Variants in ZNF362 observed in about 807,000 individuals in gnomAD.
The protein encoded by ZNF362 is zinc finger protein 362.
ZNF362 carries 11 observed loss-of-function variants against 42.9 expected under a neutral mutation model. The observed-to-expected ratio is 0.26, with a 90% CI of 0.16 to 0.42. The LOEUF (loss-of-function observed/expected upper bound fraction) is 0.42, where lower values mean the gene tolerates loss of function less well. Among genes scored for constraint, ZNF362 ranks in the 20% least tolerant of loss-of-function variants. The probability of loss-of-function intolerance (pLI) is 1.00; values close to 1 mark genes in which losing one functional copy is unlikely to be tolerated. For missense variants in ZNF362, 362 were observed against 576.2 expected (o/e 0.63, Z 3.81); for synonymous variants, 255 against 257.3 (o/e 0.99, Z 0.09).
At chr1:33,219,099 C>T in the ZNF362 span, among the ~76,000 whole-genome samples, 1 of 152,126 alleles carries the variant, frequency 6.6e-6, no homozygotes, top group Non-Finnish European at 1.5e-5. Context: ...TAGAGATAAC[C>T]TCTAAACATT....
chr1:33,205,214 C>T, the ZNF362 span, among the ~76,000 whole-genome samples: 7 of 152,050 alleles, frequency 4.6e-5, no homozygotes, highest in East Asian at 1.9e-4. Flanking sequence ...CTGGGCACAG[C>T]GGCTCACAAC....
chr1:33,232,426 T>A, the ZNF362 span, among the ~76,000 whole-genome samples: 1 of 150,836 alleles, frequency 6.6e-6, no homozygotes, highest in East Asian at 1.9e-4. Flanking sequence ...GCCAGGCTAA[T>A]TTTTTTTTGT....
chr1:33,146,096 AAC>A, the ZNF362 span: 1 of 315,602 alleles, frequency 3.2e-6, no homozygotes, highest in Non-Finnish European at 6.3e-6. Context: ...TCCTGGTCAC[AAC>A]AGACATGATG....
At chr1:33,147,629 G>T in the ZNF362 span, 2 of 1,614,024 alleles carry the variant, frequency 1.2e-6, no homozygotes, top group South Asian at 2.2e-5. This position sits in a 1 kb window ranked among gnomAD's most constrained non-coding sequence, Gnocchi z 8.1. Context: ...TCCTGCAGTG[G>T]CTGTGGGTGC....
the ZNF362 span, among the ~76,000 whole-genome samples, chr1:33,205,692 T>A: frequency 6.6e-6 from 1 of 152,094 alleles, no homozygotes; most frequent in African/African-American, 2.4e-5. Context: ...GGTGAGTGGA[T>A]CACCTGAGGT....
chr1:33,289,661 T>G (rs976079750), intron 6 of ZNF362, among the ~76,000 whole-genome samples: 3 of 152,216 alleles, frequency 2.0e-5, no homozygotes, highest in Non-Finnish European at 4.4e-5. Flanking sequence ...ATTTCTCTTG[T>G]CAATGATTGA....
intron 8 of ZNF362, among the ~76,000 whole-genome samples, chr1:33,297,564 T>G (rs1646134291): frequency 1.5e-5 from 2 of 136,192 alleles, no homozygotes; most frequent in Non-Finnish European, 3.0e-5. Flanking sequence ...CCAGGTGGAG[T>G]GCAGTGGCAC....
At chr1:33,162,587 AG>A in the ZNF362 span, among the ~76,000 whole-genome samples, 1 of 152,116 alleles carries the variant, frequency 6.6e-6, no homozygotes, top group African/African-American at 2.4e-5. Flanking sequence ...GGGGTGAAGG[AG>A]GGAAGAGTCT....
chr1:33,242,877 C>T, the ZNF362 span, among the ~76,000 whole-genome samples: 1 of 152,164 alleles, frequency 6.6e-6, no homozygotes, highest in Admixed American at 6.5e-5. Context: ...CTCCCTTCCC[C>T]ATATATGTCC....
At chr1:33,198,447 T>C in the ZNF362 span, among the ~76,000 whole-genome samples, 1 of 152,084 alleles carries the variant, frequency 6.6e-6, no homozygotes, top group East Asian at 1.9e-4. Context: ...GGGCAGATTG[T>C]TTGAGCTCAG....
the ZNF362 span, among the ~76,000 whole-genome samples, chr1:33,144,113 T>C: frequency 6.8e-6 from 1 of 147,530 alleles, no homozygotes; most frequent in Non-Finnish European, 1.5e-5. Flanking sequence ...CGTTGATATA[T>C]GATTCCGCTT....
At chr1:33,270,687 G>C in intron 2 of ZNF362, 75 bp downstream of exon 2, 2 of 1,577,252 alleles carry the variant, frequency 1.3e-6, no homozygotes, top group South Asian at 1.2e-5. Context: ...CATTGTGTTC[G>C]TCCCACCTTC....
At chr1:33,276,622 G>A (rs2148097526) in intron 4 of ZNF362, 28 bp downstream of exon 4, 1 of 1,311,284 alleles carries the variant, frequency 7.6e-7, no homozygotes, top group African/African-American at 1.6e-5. Flanking sequence ...GGCCGGCGGG[G>A]CCGGTGAGGA....
In ZNF362 at chr1:33,299,495, G is replaced by C. The variant is rs1646150399; in HGVS notation, c.*449G>C. On this transcript the variant is annotated 3_prime_UTR_variant, in exon 9 of 9. Coordinates refer to ENST00000539719, the MANE Select transcript of ZNF362 (RefSeq NM_152493.3). ...CAATGTGGGACCTTCTCTTGCCATGGCCTCAGGTCTTGAGGGAAGGCTCGG... is the reference window on the plus strand; with the variant it reads ...CAATGTGGGACCTTCTCTTGCCATGCCCTCAGGTCTTGAGGGAAGGCTCGG... 1 of 156,872 alleles carries C rather than the reference G, an allele frequency of 6.4e-6. No homozygotes were observed. The highest frequency in any genetic ancestry group is 1.4e-5 in the Non-Finnish European group (1 of 70,444). The allele number at this position is 156,872 out of a possible 1,614,324, so 9.7% of individuals were successfully genotyped here. A position where few individuals can be genotyped will look rare whatever the true frequency, so the allele number is the denominator to read the frequency against.
At chr1:33,147,780 C>T in the ZNF362 span, 20 of 1,566,554 alleles carry the variant, frequency 1.3e-5, no homozygotes, top group Non-Finnish European at 1.6e-5. This position sits in a 1 kb window ranked among gnomAD's most constrained non-coding sequence, Gnocchi z 8.1. Context: ...GCTGTGGACC[C>T]ACCATGCAGT....
chr1:33,189,634 CATATATATATATATAT>C, the ZNF362 span, among the ~76,000 whole-genome samples: 23 of 55,574 alleles, frequency 4.1e-4, 4 homozygotes, highest in East Asian at 6.6e-3. Context: ...CACATTCCAG[CATATATATATATATAT>C]ATATATATAT....
the ZNF362 span, among the ~76,000 whole-genome samples, chr1:33,136,035 G>C: frequency 1.9e-4 from 29 of 150,920 alleles, no homozygotes; most frequent in African/African-American, 6.3e-4. Context: ...AAGCTTGTCT[G>C]AGCAAACATG....
intron 6 of ZNF362, among the ~76,000 whole-genome samples, chr1:33,292,591 A>G (rs1006986061): frequency 2.0e-5 from 3 of 152,120 alleles, no homozygotes; most frequent in Non-Finnish European, 4.4e-5. Context: ...CATAAAATGA[A>G]TTAGGGAGGA....
chr1:33,234,570 G>A, the ZNF362 span, among the ~76,000 whole-genome samples: 2 of 152,118 alleles, frequency 1.3e-5, no homozygotes, highest in South Asian at 4.1e-4. Context: ...GGCAGGAAAT[G>A]GACCCTCCGC....
Sources: gnomAD v4.1 joint callset for allele counts (sites outside exome capture counted in the v4.1 genomes callset) on GRCh38, gnomAD v4.1.1 for gene constraint, Gnocchi (gnomAD v3.1) non-coding constraint, MANE v1.5 for transcripts, NCBI Gene and HGNC (gene_info 2026-07-23, HGNC 2026-07-21) for gene names.